Variants in CCDC138 observed in about 807,000 individuals in gnomAD.
CCDC138 encodes the protein coiled-coil domain-containing protein 138.
A neutral mutation model predicts 82.3 loss-of-function variants in CCDC138; 66 were observed. That is an observed-to-expected ratio of 0.80 (90% CI 0.66 to 0.98). The LOEUF (loss-of-function observed/expected upper bound fraction) is 0.98, where lower values mean the gene tolerates loss of function less well. CCDC138 is among the 50% of genes least tolerant of loss of function. The pLI is 0.00. For synonymous variants in CCDC138, 297 were observed against 265.4 expected, an observed-to-expected ratio of 1.12 and a Z score of -1.16; for missense variants, 816 against 758.9, an observed-to-expected ratio of 1.08 and a Z score of -0.88.
intron 10 of CCDC138, among the ~76,000 whole-genome samples, chr2:108,837,249 C>T (rs934120177): frequency 5.9e-5 from 9 of 152,014 alleles, no homozygotes; most frequent in Non-Finnish European, 1.0e-4. Flanking sequence ...CATGAAAGGG[C>T]GTTGAATCTT....
rs56122981 is a variant in CCDC138 at position 108,809,448 on chromosome 2, T to TTGTGTG, written c.856-3148_856-3143dup. On this transcript the variant is annotated intron_variant, in intron 7 of 14. Transcript: ENST00000295124. ...TGTTCCAGTCCATGAACATGAAATGTTGTGTGTGTGTGTGTGTGTGTGTGT... is the reference window on the plus strand; with the variant it reads ...TGTTCCAGTCCATGAACATGAAATGTTGTGTGTGTGTGTGTGTGTGTGTGTGTGTGT... Among the ~76,000 whole-genome samples the TTGTGTG allele has an allele frequency of 1.6e-3, 222 of 141,222 alleles. 1 individual carries two copies. Among genetic ancestry groups the TTGTGTG allele is most frequent in the East Asian group, 7.8e-3 (38 of 4,852 alleles). The allele number at this position is 141,222 out of a possible 152,430, so 92.6% of individuals were successfully genotyped here. A position where few individuals can be genotyped will look rare whatever the true frequency, so the allele number is the denominator to read the frequency against.
At chr2:108,879,798 A>G (rs76197902), downstream of CCDC138, among the ~76,000 whole-genome samples, 2,119 of 152,252 alleles carry the variant, frequency 0.014, 35 homozygotes, top group Non-Finnish European at 0.019. Context: ...GGGAATTTGC[A>G]ATACTAGATT....
intron 10 of CCDC138, among the ~76,000 whole-genome samples, chr2:108,829,330 C>T (rs771264070): frequency 6.6e-6 from 1 of 152,116 alleles, no homozygotes; most frequent in Non-Finnish European, 1.5e-5. Flanking sequence ...AGCAAAGAAC[C>T]TAAATAGCTA....
intron 6 of CCDC138, among the ~76,000 whole-genome samples, chr2:108,800,608 C>CCTTTTT (rs1681750678): frequency 3.0e-5 from 1 of 33,492 alleles, no homozygotes; most frequent in East Asian, 1.2e-3. Flanking sequence ...CTCAGTTTAG[C>CCTTTTT]TTTTTTTTTT....
intron 7 of CCDC138, among the ~76,000 whole-genome samples, chr2:108,811,245 C>CTTTTTTTTTTTTTTT (rs144518921): frequency 3.6e-5 from 4 of 109,610 alleles, no homozygotes; most frequent in East Asian, 2.4e-4. Flanking sequence ...CTTTCTCTCT[C>CTTTTTTTTTTTTTTT]TCTTTTTTTT....
At chr2:108,832,698 GC>G (rs1042978814) in intron 10 of CCDC138, among the ~76,000 whole-genome samples, 19 of 152,328 alleles carry the variant, frequency 1.2e-4, no homozygotes, top group African/African-American at 4.3e-4. Context: ...ATATGGAAAA[GC>G]CTTGTAGAAG....
At chr2:108,843,844 T>TTGTG (rs71383805) in intron 11 of CCDC138, among the ~76,000 whole-genome samples, 4,240 of 22,718 alleles carry the variant, frequency 0.19, 305 homozygotes, top group African/African-American at 0.21. Flanking sequence ...AGTTCATGTT[T>TTGTG]TGTGTGTGTG....
intron 4 of CCDC138, 64 bp from the exon 5 acceptor site, chr2:108,794,476 C>T (rs1243338729): frequency 2.1e-6 from 3 of 1,422,380 alleles, no homozygotes; most frequent in African/African-American, 2.9e-5. Flanking sequence ...CTAAAGGTTA[C>T]TCTGAGAATA....
chr2:108,840,475 G>C (rs992823985), intron 11 of CCDC138, among the ~76,000 whole-genome samples: 1 of 152,052 alleles, frequency 6.6e-6, no homozygotes, highest in Non-Finnish European at 1.5e-5. Flanking sequence ...TTTTGGGGGA[G>C]GTTTTAAATT....
intron 10 of CCDC138, among the ~76,000 whole-genome samples, chr2:108,824,285 A>G (rs1166213425): frequency 2.6e-5 from 4 of 152,158 alleles, no homozygotes. Context: ...TAAAACATAA[A>G]TACATTGTAC....
chr2:108,807,241 G>C (rs1683021965), intron 7 of CCDC138, among the ~76,000 whole-genome samples: 1 of 152,126 alleles, frequency 6.6e-6, no homozygotes, highest in African/African-American at 2.4e-5. Flanking sequence ...AAAATAGATT[G>C]ACAACTTCAT....
intron 10 of CCDC138, among the ~76,000 whole-genome samples, chr2:108,820,699 C>CAAAAAAAAAAAAAAA: frequency 1.6e-5 from 1 of 62,588 alleles, no homozygotes; most frequent in African/African-American, 5.3e-5. Context: ...ATTCAAAGTG[C>CAAAAAAAAAAAAAAA]AAAAAAAAAA....
downstream of CCDC138, among the ~76,000 whole-genome samples, chr2:108,878,150 C>G (rs553763936): frequency 1.3e-5 from 2 of 152,322 alleles, no homozygotes; most frequent in South Asian, 2.1e-4. Flanking sequence ...ATCAAAAGCA[C>G]TGAACACTGA....
intron 11 of CCDC138, among the ~76,000 whole-genome samples, chr2:108,845,604 C>G (rs1344084758): frequency 1.4e-5 from 2 of 141,462 alleles, no homozygotes; most frequent in African/African-American, 5.3e-5. Flanking sequence ...TGGAGTCTCG[C>G]TCTGTCACCC....
In CCDC138 at chr2:108,788,979, G is replaced by A. The variant is rs1679440938; in HGVS notation, c.266+13G>A. ...TAAATGTGAATTGGTAAAGTACCCT[G>A]AAACTTTACTGTTGCTACCCCCTCA... On this transcript the variant is annotated intron_variant, in intron 3 of 14. Coordinates refer to ENST00000295124, the MANE Select transcript of CCDC138 (RefSeq NM_144978.3). 3.7e-6 allele frequency: 6 copies of A among 1,613,508 alleles called. No homozygotes were observed. Among genetic ancestry groups the A allele is most frequent in the Non-Finnish European group, 5.1e-6 (6 of 1,179,770 alleles).
chr2:108,846,870 A>C lies in CCDC138; in HGVS notation c.1456A>C (p.Ser486Arg). The change falls in exon 12 of 15, where the codon AGC becomes CGC. Residue 486 changes from serine to arginine, a missense_variant. Physicochemically the swap from Ser to Arg is moderately radical, Grantham distance 110. Transcript: ENST00000295124. ...ACCAAAGACAGCTGCTTTCTTTAAG[A>C]GCTCCAATTTGCCATTGAGATTTTT... ...NKPKTAAFFK[S>R]SNLPLRFLST... 2 of 1,613,808 alleles carry C rather than the reference A, an allele frequency of 1.2e-6. No individual in the cohort carries two copies. Among genetic ancestry groups the C allele is most frequent in the Non-Finnish European group, 1.7e-6 (2 of 1,179,852 alleles).
intron 12 of CCDC138, among the ~76,000 whole-genome samples, chr2:108,850,876 T>G (rs1691363996): frequency 6.6e-6 from 1 of 152,028 alleles, no homozygotes; most frequent in African/African-American, 2.4e-5. Context: ...GTGTGGAGGT[T>G]TTTCCCCACA....
intron 13 of CCDC138, among the ~76,000 whole-genome samples, chr2:108,866,906 A>G (rs997665181): frequency 6.6e-6 from 1 of 152,014 alleles, no homozygotes; most frequent in African/African-American, 2.4e-5. Context: ...AGAAATGAGT[A>G]AAATATTACC....
chr2:108,820,042 C>G (rs1440902765), intron 10 of CCDC138, among the ~76,000 whole-genome samples: 1 of 152,140 alleles, frequency 6.6e-6, no homozygotes, highest in African/African-American at 2.4e-5. Flanking sequence ...AATACAATAT[C>G]TGAACTATAA....
Sources: allele counts gnomAD v4.1 joint callset (sites outside exome capture counted in the v4.1 genomes callset), GRCh38; gene constraint gnomAD v4.1.1; transcripts MANE v1.5; gene names NCBI Gene and HGNC (gene_info 2026-07-23, HGNC 2026-07-21).